The following PHKA1 variants were observed in gnomAD, a reference collection of about 807,000 sequenced individuals.
PHKA1 encodes the protein phosphorylase kinase regulatory subunit alpha 1, also known as phosphorylase b kinase regulatory subunit alpha, skeletal muscle isoform.
A neutral mutation model predicts 110.2 loss-of-function variants in PHKA1; 60 were observed. That is an observed-to-expected ratio of 0.54 (90% CI 0.44 to 0.68). The LOEUF (loss-of-function observed/expected upper bound fraction) is 0.68. Among genes scored for constraint, PHKA1 ranks in the 30% least tolerant of loss-of-function variants. The pLI, the probability that PHKA1 is intolerant of heterozygous loss-of-function variation, is 0.00. For missense variants in PHKA1, 801 were observed against 942.5 expected, an observed-to-expected ratio of 0.85 and a Z score of 1.97; for synonymous variants, 316 against 333.6, an observed-to-expected ratio of 0.95 and a Z score of 0.58.
At chrX:72,639,541 G>T (rs1231710385) in intron 14 of PHKA1, among the ~76,000 whole-genome samples, 6 of 110,799 alleles carry the variant, frequency 5.4e-5, no homozygotes, top group African/African-American at 1.6e-4. Flanking sequence ...ACTCCATCTT[G>T]GGGGGAGAAA....
At chrX:72,592,796 C>T (rs1206054721) in intron 29 of PHKA1, among the ~76,000 whole-genome samples, 4 of 112,254 alleles carry the variant, frequency 3.6e-5, no homozygotes, top group African/African-American at 1.3e-4. Context: ...TCTTTAGTAA[C>T]AAATTCGTTT....
intron 5 of PHKA1, 60 bp downstream of exon 5, chrX:72,684,438 C>G: frequency 2.7e-6 from 2 of 739,353 alleles, no homozygotes; most frequent in Admixed American, 4.7e-5. Flanking sequence ...ACTGAGTTGC[C>G]CAGTATTTAG....
chrX:72,688,227 C>T (rs782792351), intron 4 of PHKA1, among the ~76,000 whole-genome samples: 4 of 112,043 alleles, frequency 3.6e-5, no homozygotes, highest in African/African-American at 6.5e-5. Context: ...AGATTGCAAA[C>T]TCCTCCTGAT....
At chrX:72,673,911 C>T (rs1296652735) in intron 6 of PHKA1, among the ~76,000 whole-genome samples, 1 of 106,516 alleles carries the variant, frequency 9.4e-6, no homozygotes, top group Non-Finnish European at 1.9e-5. Context: ...CACATTAACT[C>T]GTCATTTAAC....
chrX:72,590,881 A>T (rs972815419), intron 29 of PHKA1, among the ~76,000 whole-genome samples: 2 of 112,122 alleles, frequency 1.8e-5, no homozygotes, highest in Middle Eastern at 4.6e-3. Context: ...CACACCAGTT[A>T]GAATGGTGAT....
intron 5 of PHKA1, among the ~76,000 whole-genome samples, chrX:72,680,793 G>A (rs1330049216): frequency 1.6e-3 from 143 of 88,727 alleles, no homozygotes; most frequent in African/African-American, 6.0e-3. Flanking sequence ...GCGGGCAGCG[G>A]AGCTGTCTCA....
At chrX:72,713,697 CA>C (rs2054418998) in intron 1 of PHKA1, 105 bp downstream of exon 1, 34 of 616,362 alleles carry the variant, frequency 5.5e-5, no homozygotes, top group African/African-American at 4.3e-4. Context: ...CACACACACA[CA>C]CACCCACACA....
At chrX:72,712,971 A>G (rs2054405786) in intron 1 of PHKA1, 34 bp from the exon 2 acceptor site, 1 of 1,197,481 alleles carries the variant, frequency 8.4e-7, no homozygotes, top group Non-Finnish European at 1.1e-6. Flanking sequence ...CAGGAAGGTA[A>G]CCATAGGTGT....
chrX:72,623,655 C>G (rs1366661751), intron 17 of PHKA1, among the ~76,000 whole-genome samples: 1 of 110,567 alleles, frequency 9.0e-6, no homozygotes, highest in African/African-American at 3.3e-5. Flanking sequence ...TAAAAAAATA[C>G]CCAAAGGTCA....
intron 6 of PHKA1, 138 bp from the exon 7 acceptor site, chrX:72,667,611 TA>T (rs1428988471): frequency 3.1e-5 from 16 of 508,175 alleles, no homozygotes; most frequent in Non-Finnish European, 5.4e-5. Context: ...ACAAAAACAT[TA>T]TTTATTCCCA....
chrX:72,658,798 G>A (rs186657781), intron 8 of PHKA1, among the ~76,000 whole-genome samples: 1 of 112,375 alleles, frequency 8.9e-6, no homozygotes, highest in South Asian at 3.7e-4. Flanking sequence ...CATTGTATGA[G>A]AGAGTACATG....
At chrX:72,689,646 T>G (rs1450772558) in intron 4 of PHKA1, among the ~76,000 whole-genome samples, 1 of 112,502 alleles carries the variant, frequency 8.9e-6, no homozygotes, top group Admixed American at 9.4e-5. Flanking sequence ...CATTTATGGC[T>G]ATCATAAGTA....
chrX:72,649,864 C>T (rs1250500549), intron 13 of PHKA1, among the ~76,000 whole-genome samples: 3 of 109,424 alleles, frequency 2.7e-5, no homozygotes, highest in South Asian at 4.0e-4. Context: ...TGGTGGTGCG[C>T]GACTGTGATC....
chrX:72,675,445 G>C (rs201205831), intron 6 of PHKA1, among the ~76,000 whole-genome samples: 16 of 110,750 alleles, frequency 1.4e-4, no homozygotes, highest in African/African-American at 5.2e-4. Context: ...CTTATAGACA[G>C]CATATATTGG....
intron 29 of PHKA1, among the ~76,000 whole-genome samples, chrX:72,590,822 A>T (rs1365945560): frequency 8.9e-6 from 1 of 112,539 alleles, no homozygotes; most frequent in Non-Finnish European, 1.9e-5. Context: ...TGCTCATCAT[A>T]ACTGGTCATC....
chrX:72,602,130 C>T, intron 27 of PHKA1, 28 bp downstream of exon 27: 1 of 1,070,324 alleles, frequency 9.3e-7, no homozygotes, highest in Non-Finnish European at 1.3e-6. Context: ...TGGCAATATC[C>T]CAGCTAATCT....
chrX:72,584,127 C>T, intron 30 of PHKA1, 122 bp downstream of exon 30: 3 of 596,811 alleles, frequency 5.0e-6, no homozygotes, highest in Non-Finnish European at 8.4e-6. Flanking sequence ...TCTTCAAATG[C>T]ATTTCATGTT....
chrX:72,704,900 G>A (rs894570632), intron 3 of PHKA1, among the ~76,000 whole-genome samples: 5 of 111,900 alleles, frequency 4.5e-5, no homozygotes, highest in Non-Finnish European at 9.4e-5. Flanking sequence ...TCAAATGAGG[G>A]TTTTTAAACC....
chrX:72,636,468 A>G, intron 14 of PHKA1, 82 bp from the exon 15 acceptor site: 1 of 547,616 alleles, frequency 1.8e-6, no homozygotes. Flanking sequence ...ATATATATAC[A>G]CACACATACA....
Sources: gnomAD v4.1 joint callset for allele counts (sites outside exome capture counted in the v4.1 genomes callset) on GRCh38, gnomAD v4.1.1 for gene constraint, MANE v1.5 for transcripts, NCBI Gene and HGNC (gene_info 2026-07-23, HGNC 2026-07-21) for gene names.